The following GPC5 variants were observed in gnomAD, a reference collection of about 807,000 sequenced individuals.
GPC5 encodes glypican-5.
A neutral mutation model predicts 53.9 loss-of-function variants in GPC5; 47 were observed. That is an observed-to-expected ratio of 0.87 (90% CI 0.69 to 1.11). GPC5 has a LOEUF of 1.11. Ranked by LOEUF, GPC5 falls within the 50% of genes most tolerant of loss-of-function variation. The probability of loss-of-function intolerance (pLI) is 0.00; values close to 1 mark genes in which losing one functional copy is unlikely to be tolerated. For missense variants in GPC5, 748 were observed against 713.1 expected, an observed-to-expected ratio of 1.05 and a Z score of -0.56; for synonymous variants, 286 against 263.3, an observed-to-expected ratio of 1.09 and a Z score of -0.84.
chr13:91,676,192 T>C (rs1486900508), intron 2 of GPC5, among the ~76,000 whole-genome samples: 1 of 152,164 alleles, frequency 6.6e-6, no homozygotes, highest in Non-Finnish European at 1.5e-5. Flanking sequence ...TGCCTCAGCC[T>C]CCCAAGTAGC....
intron 5 of GPC5, among the ~76,000 whole-genome samples, chr13:91,883,125 T>A (rs908650589): frequency 6.6e-6 from 1 of 152,158 alleles, no homozygotes; most frequent in African/African-American, 2.4e-5. Flanking sequence ...GTCTGGAAGG[T>A]GCAAGGTGCT....
At chr13:92,344,817 G>T (rs1366839700) in intron 7 of GPC5, among the ~76,000 whole-genome samples, 1 of 152,066 alleles carries the variant, frequency 6.6e-6, no homozygotes, top group African/African-American at 2.4e-5. Context: ...TCAAACTTTT[G>T]ATTACAACAA....
chr13:92,581,633 A>C (rs1883372903), intron 7 of GPC5, among the ~76,000 whole-genome samples: 1 of 152,100 alleles, frequency 6.6e-6, no homozygotes, highest in Non-Finnish European at 1.5e-5. Flanking sequence ...TTTTTGAGTG[A>C]GCTCCATACT....
intron 7 of GPC5, among the ~76,000 whole-genome samples, chr13:92,220,992 C>T (rs1184718791): frequency 6.6e-6 from 1 of 152,064 alleles, no homozygotes; most frequent in Non-Finnish European, 1.5e-5. Flanking sequence ...CCCATTTCCT[C>T]TGTTTGGGGA....
rs561250087 is a variant in GPC5, at chr13:91,808,297, A to C, written c.1280+51877A>C. Among the ~76,000 whole-genome samples, 8 of 152,266 alleles carry C rather than the reference A, an allele frequency of 5.3e-5. No individual in the cohort carries two copies. The South Asian group carries it at 1.5e-3, about 28-fold the overall frequency. On this transcript the variant is annotated intron_variant, in intron 5 of 7. Transcript: ENST00000377067. ...AAGACCCAAATACCATATGAAAGAC[A>C]GTAGAGAGTACCAATTCATTGGTTA...
intron 2 of GPC5, among the ~76,000 whole-genome samples, chr13:91,668,676 C>T (rs1273264300): frequency 6.6e-6 from 1 of 152,098 alleles, no homozygotes; most frequent in Non-Finnish European, 1.5e-5. Flanking sequence ...GAACGAATTT[C>T]TCTTGTCAAA....
At chr13:91,730,311 C>T (rs948692102) in intron 4 of GPC5, among the ~76,000 whole-genome samples, 2 of 152,138 alleles carry the variant, frequency 1.3e-5, no homozygotes, top group African/African-American at 4.8e-5. Context: ...CCCATGAGGT[C>T]ATAAATTTCC....
At chr13:92,054,843 C>T (rs1463560307) in intron 6 of GPC5, among the ~76,000 whole-genome samples, 1 of 152,092 alleles carries the variant, frequency 6.6e-6, no homozygotes, top group Non-Finnish European at 1.5e-5. Context: ...ACAAAATCCC[C>T]AGGATTAAAG....
intron 5 of GPC5, among the ~76,000 whole-genome samples, chr13:91,789,188 G>A (rs777193541): frequency 2.6e-5 from 4 of 151,804 alleles, no homozygotes; most frequent in Non-Finnish European, 5.9e-5. Flanking sequence ...ACTCTAGCCT[G>A]GGTGACAGAG....
At chr13:92,462,807 C>A (rs1409972574) in intron 7 of GPC5, among the ~76,000 whole-genome samples, 1 of 151,134 alleles carries the variant, frequency 6.6e-6, no homozygotes, top group East Asian at 2.0e-4. Flanking sequence ...ACCTCTGCCT[C>A]CCAGGTTCAA....
chr13:91,527,423 G>C (rs949670949), intron 2 of GPC5, among the ~76,000 whole-genome samples: 3 of 152,262 alleles, frequency 2.0e-5, no homozygotes, highest in Non-Finnish European at 2.9e-5. Flanking sequence ...AGGGCACACT[G>C]ATGGAAGGCT....
At chr13:92,084,438 G>A (rs2041320661) in intron 6 of GPC5, among the ~76,000 whole-genome samples, 1 of 152,194 alleles carries the variant, frequency 6.6e-6, no homozygotes, top group Admixed American at 6.5e-5. Context: ...AGTTGAGGCT[G>A]GTCTTGGCCA....
At chr13:91,410,656 T>C (rs1328146348) in intron 1 of GPC5, among the ~76,000 whole-genome samples, 1 of 152,140 alleles carries the variant, frequency 6.6e-6, no homozygotes, top group Non-Finnish European at 1.5e-5. Context: ...TTCCTTCATC[T>C]TAATGGAATA....
At chr13:91,955,403 C>G (rs762727182) in intron 6 of GPC5, among the ~76,000 whole-genome samples, 1 of 151,872 alleles carries the variant, frequency 6.6e-6, no homozygotes, top group Non-Finnish European at 1.5e-5. Context: ...TCCTGGACAA[C>G]GAAGAAGCAA....
Position 92,435,654 on chromosome 13 carries a change from T to C in GPC5, c.1561+290665T>C, listed in dbSNP as rs76407086. Reference sequence around the variant, plus strand: ...TATGGGGAGGGATATATGTACAAAGTAAAGGTTAACACTGGGCATTGATTA... The same window carrying C: ...TATGGGGAGGGATATATGTACAAAGCAAAGGTTAACACTGGGCATTGATTA... On this transcript the variant is annotated intron_variant, in intron 7 of 7. Coordinates refer to ENST00000377067, the MANE Select transcript of GPC5 (RefSeq NM_004466.6). Among the ~76,000 whole-genome samples the C allele has an allele frequency of 1.6e-4, 25 of 152,228 alleles. No homozygotes were observed. In the South Asian group the frequency reaches 5.2e-3, roughly 32 times the overall value.
intron 2 of GPC5, among the ~76,000 whole-genome samples, chr13:91,645,912 G>A (rs1284564688): frequency 1.3e-5 from 2 of 152,154 alleles, no homozygotes; most frequent in East Asian, 3.8e-4. Flanking sequence ...ACACACTTTG[G>A]ATAGCACTGA....
At chr13:91,546,011 C>A (rs1323667693) in intron 2 of GPC5, among the ~76,000 whole-genome samples, 1 of 151,960 alleles carries the variant, frequency 6.6e-6, no homozygotes, top group Non-Finnish European at 1.5e-5. Context: ...TCTCCTGAAA[C>A]CCTTACACAT....
At chr13:91,810,972 T>G (rs185421277) in intron 5 of GPC5, among the ~76,000 whole-genome samples, 18 of 151,060 alleles carry the variant, frequency 1.2e-4, no homozygotes, top group Middle Eastern at 7.0e-3. Context: ...GGAAATATTT[T>G]ACATATTCTA....
At chr13:92,064,316 G>A (rs2041147620) in intron 6 of GPC5, among the ~76,000 whole-genome samples, 1 of 152,158 alleles carries the variant, frequency 6.6e-6, no homozygotes, top group African/African-American at 2.4e-5. Context: ...CCACCTGAGA[G>A]TTTTAAAAAT....
Sources: allele counts gnomAD v4.1 joint callset (sites outside exome capture counted in the v4.1 genomes callset), GRCh38; gene constraint gnomAD v4.1.1; transcripts MANE v1.5; gene names NCBI Gene and HGNC (gene_info 2026-07-23, HGNC 2026-07-21).